The following BAZ2B variants were observed in gnomAD, a reference collection of about 807,000 sequenced individuals.
BAZ2B encodes bromodomain adjacent to zinc finger domain 2B.
In BAZ2B, 91 loss-of-function variants were observed where a neutral mutation model predicts 246.0. The ratio of observed to expected loss-of-function variants is 0.37; its 90% CI spans 0.31 to 0.44. BAZ2B has a LOEUF of 0.44. Ranked by LOEUF, BAZ2B falls within the 20% of genes least tolerant of loss-of-function variation. BAZ2B has a pLI of 1.00. For missense variants in BAZ2B, 2,332 were observed against 2,533.7 expected (o/e 0.92, Z 1.71); for synonymous variants, 855 against 860.0 (o/e 0.99, Z 0.10).
At chr2:159,561,261 C>T (rs1454870945) in intron 1 of BAZ2B, among the ~76,000 whole-genome samples, 1 of 152,098 alleles carries the variant, frequency 6.6e-6, no homozygotes, top group Non-Finnish European at 1.5e-5. Context: ...TTGATTGGTT[C>T]TCTAGGGAAT....
chr2:159,534,978 A>G lies in BAZ2B; in HGVS notation c.-3+20845T>C, dbSNP rs148972464. 8.1e-3 allele frequency among the ~76,000 whole-genome samples: 1,236 copies of G among 152,322 alleles called. 14 individuals carry two copies. The highest frequency in any genetic ancestry group is 0.028 in the African/African-American group (1,162 of 41,558). On this transcript the variant is annotated intron_variant, in intron 2 of 36. Coordinates refer to ENST00000392783, the MANE Select transcript of BAZ2B (RefSeq NM_013450.4). ...AATTTAACAAACGTAAAAAAGGGAA[A>G]AGTTAACTTCTAGAAACTTGTCTTA...
rs1200771023 is a variant in BAZ2B at position 159,404,756 on chromosome 2, A to T, written c.2832+93T>A. On this transcript the variant is annotated intron_variant, in intron 16 of 36. Coordinates refer to ENST00000392783, the MANE Select transcript of BAZ2B (RefSeq NM_013450.4). ...AGACACAAATATTAATGTGAAATATAGTTATTTAAGAAATCAAAAATAATG... is the reference window on the plus strand; with the variant it reads ...AGACACAAATATTAATGTGAAATATTGTTATTTAAGAAATCAAAAATAATG... 49 of 1,050,512 alleles carry T rather than the reference A, an allele frequency of 4.7e-5. No individual in the cohort carries two copies. The East Asian group carries it at 1.2e-3, about 27-fold the overall frequency. The allele number at this position is 1,050,512 out of a possible 1,614,324, so 65.1% of individuals were successfully genotyped here.
At chr2:159,627,149 C>G in the BAZ2B span, among the ~76,000 whole-genome samples, 2 of 152,062 alleles carry the variant, frequency 1.3e-5, no homozygotes, top group African/African-American at 4.8e-5. Context: ...AGACCAATAA[C>G]AAGTTTTGAA....
intron 1 of BAZ2B, among the ~76,000 whole-genome samples, chr2:159,586,520 GA>G (rs138561219): frequency 0.24 from 36,624 of 151,312 alleles, 5,636 homozygotes; most frequent in Admixed American, 0.39. Context: ...TCCTACTGAA[GA>G]AAAAAAAATT....
At chr2:159,478,789 A>T (rs2078922579) in intron 2 of BAZ2B, 68 bp from the exon 3 acceptor site, 5 of 1,214,272 alleles carry the variant, frequency 4.1e-6, no homozygotes, top group Non-Finnish European at 5.4e-6. Flanking sequence ...TTCAACATAA[A>T]CTTTTTGTAT....
At chr2:159,557,654 C>A (rs1316693327) in intron 1 of BAZ2B, among the ~76,000 whole-genome samples, 1 of 152,144 alleles carries the variant, frequency 6.6e-6, no homozygotes, top group Non-Finnish European at 1.5e-5. Flanking sequence ...CCACCAGAGG[C>A]TGCTGTTAGC....
rs202135117 is a variant in BAZ2B at position 159,349,098 on chromosome 2, T to C, written c.5046A>G (p.Val1682=). The change falls in exon 29 of 37, where the codon GTA becomes GTG. Residue 1682 remains valine (V), a synonymous_variant. Transcript: ENST00000392783. ...CTGAAGTGGCCTTTTCATTCTGTGG[T>C]ACTGGAGATTCACTTTTACTTGAAG... ...NVASSKSESP[V]PQNEKATSAQ... The C allele has an allele frequency of 2.4e-5, 39 of 1,613,986 alleles. No individual in the cohort carries two copies. The highest frequency in any genetic ancestry group is 3.2e-5 in the Non-Finnish European group (38 of 1,179,976).
At chr2:159,473,024 CT>C (rs1364388048) in intron 3 of BAZ2B, among the ~76,000 whole-genome samples, 1 of 152,188 alleles carries the variant, frequency 6.6e-6, no homozygotes, top group African/African-American at 2.4e-5. Flanking sequence ...AGAATTCCCT[CT>C]TTTTCTATTG....
intron 1 of BAZ2B, among the ~76,000 whole-genome samples, chr2:159,573,277 T>G (rs1684461599): frequency 1.3e-5 from 2 of 152,200 alleles, no homozygotes; most frequent in Admixed American, 1.3e-4. Flanking sequence ...AAAGCTATAG[T>G]AATCAAAGCA....
chr2:159,676,533 A>G, the BAZ2B span, among the ~76,000 whole-genome samples: 60,846 of 151,606 alleles, frequency 0.4, 12,709 homozygotes, highest in African/African-American at 0.49. Flanking sequence ...TAGTCATTTT[A>G]AGCTGAGCAC....
chr2:159,371,612 G>A (rs2060857991), intron 27 of BAZ2B, among the ~76,000 whole-genome samples: 1 of 152,152 alleles, frequency 6.6e-6, no homozygotes, highest in Non-Finnish European at 1.5e-5. Context: ...TCTTAGCTGG[G>A]TTACTGTAAC....
intron 1 of BAZ2B, among the ~76,000 whole-genome samples, chr2:159,600,990 C>A (rs1691996105): frequency 6.6e-6 from 1 of 152,156 alleles, no homozygotes; most frequent in Non-Finnish European, 1.5e-5. Flanking sequence ...GTCATTCTCT[C>A]CCTCCTCCCA....
At chr2:159,691,200 G>A in the BAZ2B span, among the ~76,000 whole-genome samples, 29 of 152,120 alleles carry the variant, frequency 1.9e-4, no homozygotes, top group East Asian at 4.2e-3. Flanking sequence ...TATTAATATC[G>A]TATATTAATG....
Position 159,453,657 on chromosome 2 carries a change from G to T in BAZ2B, c.290C>A (p.Thr97Lys), listed in dbSNP as rs769716901. ...SEFGGLGTLG[T>K]PTALAAHPQL... is the part of the protein sequence containing the mutation. ...GGGATGTGCGGCTAAGGCTGTGGGT[G>T]TACCAAGTGTCCCCAAACCACCAAA... The change falls in exon 4 of 37, where the codon ACA (threonine) becomes AAA (lysine). Residue 97 changes from threonine to lysine, a missense_variant. Physicochemically the swap from Thr to Lys is moderately conservative, Grantham distance 78. This residue lies in a region of BAZ2B where 242 missense variants were observed against 237.4 expected (regional missense o/e 1.02). Coordinates refer to ENST00000392783, the MANE Select transcript of BAZ2B (RefSeq NM_013450.4). 2 of 1,613,142 alleles carry T rather than the reference G, an allele frequency of 1.2e-6. No individual in the cohort carries two copies. The highest frequency in any genetic ancestry group is 1.3e-5 in the African/African-American group (1 of 74,900).
At chr2:159,700,592 C>T in the BAZ2B span, among the ~76,000 whole-genome samples, 4 of 152,052 alleles carry the variant, frequency 2.6e-5, no homozygotes, top group Non-Finnish European at 4.4e-5. Flanking sequence ...ACTACAGGTG[C>T]GTGCCACCAC....
chr2:159,562,810 A>C (rs1044578070), intron 1 of BAZ2B, among the ~76,000 whole-genome samples: 1 of 152,214 alleles, frequency 6.6e-6, no homozygotes, highest in Non-Finnish European at 1.5e-5. Context: ...TACCAAAATT[A>C]GAGTCCATTT....
At position 159,374,707 on chromosome 2, in the gene BAZ2B, A is replaced by C; in HGVS notation, c.4052T>G (p.Ile1351Ser). Residue 1351 changes from isoleucine (I) to serine (S), a missense_variant, in exon 26 of 37, where the codon ATT becomes AGT. Ile to Ser is a moderately radical substitution (Grantham distance 142). This residue lies in a region of BAZ2B where 676 missense variants were observed against 668.6 expected (regional missense o/e 1.01). Coordinates refer to ENST00000392783, the MANE Select transcript of BAZ2B (RefSeq NM_013450.4). The part of the protein sequence containing the change: ...AASVEELEKQ[I>S]EKLSKQQSQY... ...AGTGCTTACTTTACTCAGTTTTTCA[A>C]TCTGTTTTTCCAGCTCTTCAACACT... The C allele has an allele frequency of 6.2e-7, 1 of 1,612,860 alleles. No homozygotes were observed.
chr2:159,347,933 T>C (rs753430047), intron 30 of BAZ2B, among the ~76,000 whole-genome samples: 7 of 152,190 alleles, frequency 4.6e-5, no homozygotes, highest in African/African-American at 9.7e-5. Context: ...CATTAAGATA[T>C]CATTTCTCTC....
chr2:159,418,148 A>T (rs2150011089), intron 13 of BAZ2B, among the ~76,000 whole-genome samples: 1 of 152,356 alleles, frequency 6.6e-6, no homozygotes, highest in South Asian at 2.1e-4. Flanking sequence ...ATAAGGATGG[A>T]GAAATATTTG....
Sources: allele counts gnomAD v4.1 joint callset (sites outside exome capture counted in the v4.1 genomes callset), GRCh38; gene constraint gnomAD v4.1.1; regional missense constraint gnomAD v4.1.1; transcripts MANE v1.5; gene names NCBI Gene and HGNC (gene_info 2026-07-23, HGNC 2026-07-21).